The following ZNF420 variants were observed in gnomAD, a reference collection of about 807,000 sequenced individuals.
ZNF420 encodes ATM and p53-associated KZNF protein.
ZNF420 carries 31 observed loss-of-function variants against 44.7 expected under a neutral mutation model. The ratio of observed to expected loss-of-function variants is 0.69; its 90% CI spans 0.52 to 0.94. ZNF420 has a LOEUF of 0.94. ZNF420 is among the 40% of genes least tolerant of loss of function. The pLI is 0.00. For synonymous variants in ZNF420, 245 were observed against 267.4 expected (o/e 0.92, Z 0.82); for missense variants, 681 against 827.9 (o/e 0.82, Z 2.18).
upstream of ZNF420, among the ~76,000 whole-genome samples, chr19:37,073,731 C>A (rs760373024): frequency 3.0e-5 from 4 of 133,444 alleles, no homozygotes; most frequent in Non-Finnish European, 6.1e-5. Flanking sequence ...GGCGACAGAG[C>A]GAGACTCTGC....
chr19:37,124,361 C>T (rs1166394943), intron 4 of ZNF420, among the ~76,000 whole-genome samples: 2 of 152,176 alleles, frequency 1.3e-5, no homozygotes, highest in Non-Finnish European at 2.9e-5. Context: ...GATTCATTCG[C>T]CTTTTGAGGG....
intron 1 of ZNF420, among the ~76,000 whole-genome samples, chr19:37,016,205 A>C (rs2074607609): frequency 6.6e-6 from 1 of 152,190 alleles, no homozygotes; most frequent in South Asian, 2.1e-4. Flanking sequence ...CTTCTAATCT[A>C]GGCTGTGTTT....
At chr19:37,058,135 A>G (rs1315596831) in intron 1 of ZNF420, among the ~76,000 whole-genome samples, 1 of 152,120 alleles carries the variant, frequency 6.6e-6, no homozygotes, top group Non-Finnish European at 1.5e-5. Context: ...TCAACAAAGA[A>G]CACTTCCCAG....
intron 1 of ZNF420, among the ~76,000 whole-genome samples, chr19:37,040,388 G>A (rs945846971): frequency 7.9e-5 from 12 of 152,170 alleles, no homozygotes; most frequent in Non-Finnish European, 1.2e-4. Context: ...AGGGAATGTC[G>A]TGGTTGACTT....
Position 37,054,547 on chromosome 19 carries a change from A to T in ZNF420, c.-124-25798A>T, listed in dbSNP as rs561329063. 4.7e-4 allele frequency among the ~76,000 whole-genome samples: 71 copies of T among 152,328 alleles called. No individual in the cohort carries two copies. In the Middle Eastern group the frequency reaches 0.01, roughly 22 times the overall value. On this transcript the variant is annotated intron_variant, in intron 1 of 4. Coordinates refer to the ZNF420 transcript ENST00000587029. ...TCTTTTAGTCTATGAAGACAAAACC[A>T]CAGTGACAGTAACTAGGTCAAGGCA...
At chr19:37,079,538 GTTAC>G (rs1309033297) in intron 1 of ZNF420, among the ~76,000 whole-genome samples, 1 of 152,140 alleles carries the variant, frequency 6.6e-6, no homozygotes, top group Non-Finnish European at 1.5e-5. Flanking sequence ...GGGAAATGTA[GTTAC>G]TTACGAGTTC....
At chr19:37,049,930 A>G (rs1967608993) in intron 1 of ZNF420, among the ~76,000 whole-genome samples, 1 of 152,216 alleles carries the variant, frequency 6.6e-6, no homozygotes, top group Non-Finnish European at 1.5e-5. Context: ...AGCTTTCTAC[A>G]TATGGCTAGC....
At chr19:37,120,771 C>G (rs1363426602) in intron 4 of ZNF420, among the ~76,000 whole-genome samples, 2 of 152,214 alleles carry the variant, frequency 1.3e-5, no homozygotes, top group Non-Finnish European at 2.9e-5. Context: ...GCAACTACAG[C>G]AAAGTCTCAG....
At chr19:37,116,516 C>T (rs1970697392) in intron 4 of ZNF420, among the ~76,000 whole-genome samples, 1 of 152,118 alleles carries the variant, frequency 6.6e-6, no homozygotes, top group Admixed American at 6.5e-5. Flanking sequence ...GTCTACAGCT[C>T]CCAGCATGAA....
chr19:37,042,677 A>G (rs565609601), intron 1 of ZNF420, among the ~76,000 whole-genome samples: 1 of 152,326 alleles, frequency 6.6e-6, no homozygotes, highest in East Asian at 1.9e-4. Flanking sequence ...CGTAGTAATT[A>G]GGGCTTTGTT....
chr19:37,115,705 G>A (rs1001545074), intron 4 of ZNF420, among the ~76,000 whole-genome samples: 1 of 151,890 alleles, frequency 6.6e-6, no homozygotes, highest in Admixed American at 6.6e-5. Context: ...ACTGCAGAGA[G>A]GCCTTCCTCT....
At chr19:37,035,115 G>C (rs564878227) in intron 1 of ZNF420, among the ~76,000 whole-genome samples, 1 of 152,312 alleles carries the variant, frequency 6.6e-6, no homozygotes, top group African/African-American at 2.4e-5. Flanking sequence ...CCCATCACAA[G>C]TGGCCAGCTG....
chr19:37,108,228 A>G (rs1359712357), intron 4 of ZNF420: 1 of 152,178 alleles, frequency 6.6e-6, no homozygotes, highest in African/African-American at 2.4e-5. Context: ...TAATCCCATA[A>G]TCACTGCAAT....
chr19:37,086,400 T>C (rs945488830), intron 2 of ZNF420, among the ~76,000 whole-genome samples: 1 of 152,236 alleles, frequency 6.6e-6, no homozygotes, highest in African/African-American at 2.4e-5. Context: ...TGTTAATCAC[T>C]TATTCCAACA....
At chr19:37,044,576 G>A (rs1291312736) in intron 1 of ZNF420, among the ~76,000 whole-genome samples, 2 of 152,012 alleles carry the variant, frequency 1.3e-5, no homozygotes, top group Non-Finnish European at 2.9e-5. Context: ...ATTTAATAAT[G>A]TTTTCCAGGC....
At chr19:37,078,983 C>T (rs916038126) in intron 1 of ZNF420, among the ~76,000 whole-genome samples, 1 of 152,040 alleles carries the variant, frequency 6.6e-6, no homozygotes. Flanking sequence ...GACAGTGTTG[C>T]TGTGACACGG....
Position 37,127,127 on chromosome 19 carries a change from G to T in ZNF420, c.137-1G>T. ...TTTTTTTATTCTCTCTTATCTTTCA[G>T]ACTTGCCTTCAAGGTGTGCAAGTAA... is the stretch of plus-strand genomic sequence containing the variant. On this transcript the variant is annotated splice_acceptor_variant, in intron 4 of 4. Coordinates refer to ENST00000337995, the MANE Select transcript of ZNF420 (RefSeq NM_144689.5). LOFTEE classifies it high-confidence loss of function. The T allele has an allele frequency of 1.4e-6, 2 of 1,456,512 alleles. No individual in the cohort carries two copies. Among genetic ancestry groups the T allele is most frequent in the South Asian group, 1.7e-5 (1 of 60,342 alleles). The allele number at this position is 1,456,512 out of a possible 1,614,324, so 90.2% of individuals were successfully genotyped here. A position where few individuals can be genotyped will look rare whatever the true frequency, so the allele number is the denominator to read the frequency against.
chr19:37,045,161 T>G (rs1283655712), intron 1 of ZNF420, among the ~76,000 whole-genome samples: 1 of 152,268 alleles, frequency 6.6e-6, no homozygotes, highest in Non-Finnish European at 1.5e-5. Context: ...TAAATTAGGA[T>G]ATTTTAAAAG....
chr19:37,100,972 G>A (rs1162431491), intron 4 of ZNF420, among the ~76,000 whole-genome samples: 2 of 145,732 alleles, frequency 1.4e-5, no homozygotes, highest in Non-Finnish European at 3.0e-5. Context: ...TAAAACTCTT[G>A]CCTCTTTGGT....
Sources: allele counts gnomAD v4.1 joint callset (sites outside exome capture counted in the v4.1 genomes callset), GRCh38; gene constraint gnomAD v4.1.1; transcripts MANE v1.5; gene names NCBI Gene and HGNC (gene_info 2026-07-23, HGNC 2026-07-21).